Variants in MACF1 observed in about 807,000 individuals in gnomAD.
MACF1 encodes the protein microtubule-actin cross-linking factor 1.
MACF1 carries 193 observed loss-of-function variants against 854.8 expected under a neutral mutation model. The ratio of observed to expected loss-of-function variants is 0.23; its 90% CI spans 0.20 to 0.25. The LOEUF (loss-of-function observed/expected upper bound fraction) is 0.25. Ranked by LOEUF, MACF1 falls within the 10% of genes least tolerant of loss-of-function variation. The pLI is 1.00. For missense variants in MACF1, 7,722 were observed against 8,929.1 expected (o/e 0.86, Z 5.45); for synonymous variants, 3,185 against 3,226.7 (o/e 0.99, Z 0.44).
chr1:39,291,996 A>G lies in MACF1; in HGVS notation c.1872A>G (p.Val624=). ...LETQQHIHTS[V]EELGSSVKEA... ...CACAGCAGCACATCCATACGAGTGT[A>G]GAAGAGCTGGGCTCAAGTGTCAAGG... Residue 624 remains valine (V), a synonymous_variant, in exon 16 of 101, where the codon GTA becomes GTG. Coordinates refer to ENST00000564288, the MANE Select transcript of MACF1 (RefSeq NM_001394062.1). 6.2e-7 allele frequency: 1 copy of G among 1,614,128 alleles called. No individual in the cohort carries two copies. Among genetic ancestry groups the G allele is most frequent in the Non-Finnish European group, 8.5e-7 (1 of 1,180,006 alleles).
At chr1:39,317,129 G>T in intron 28 of MACF1, 85 bp from the exon 29 acceptor site, 1 of 1,321,670 alleles carries the variant, frequency 7.6e-7, no homozygotes, top group South Asian at 1.3e-5. Context: ...AATAGCTGTA[G>T]ACCGTGTCCT....
Position 39,340,691 on chromosome 1 carries a change from T to C in MACF1, c.10405T>C (p.Phe3469Leu), listed in dbSNP as rs1234602887. 6.2e-7 allele frequency: 1 copy of C among 1,614,198 alleles called. No homozygotes were observed. The highest frequency in any genetic ancestry group is 8.5e-7 in the Non-Finnish European group (1 of 1,180,010). ...CACTTGGAATTCCAGGCTACTCCAC[T>C]TCCAGAATGCTGTGGAAATAGAAAA... ...SDTWNSRLLH[F>L]QNAVEIEKTK... Residue 3469 changes from phenylalanine (F) to leucine (L), a missense_variant, in exon 39 of 101, where the codon TTC becomes CTC. Physicochemically the swap from Phe to Leu is conservative, Grantham distance 22. This residue lies in a region of MACF1 where 854 missense variants were observed against 852.6 expected (regional missense o/e 1.00). Coordinates refer to ENST00000564288, the MANE Select transcript of MACF1 (RefSeq NM_001394062.1).
In MACF1 at chr1:39,460,336, C is replaced by T. The variant is rs1199907869; in HGVS notation, c.21361-296C>T. 6.6e-6 allele frequency among the ~76,000 whole-genome samples: 1 copy of T among 152,162 alleles called. No individual in the cohort carries two copies. The highest frequency in any genetic ancestry group is 6.5e-5 in the Admixed American group (1 of 15,272). On this transcript the variant is annotated intron_variant, in intron 91 of 100. Coordinates refer to ENST00000564288, the MANE Select transcript of MACF1 (RefSeq NM_001394062.1). The surrounding 1 kb of genome is among the most constrained non-coding windows in gnomAD (Gnocchi z 4.1). ...TAAGAGAGTGATCCTTTGAAAAGCC[C>T]AAAGGGAAAGCAAGGCTGGCTTCAC...
At chr1:39,410,639 A>G (rs1642950711) in intron 58 of MACF1, 1 of 1,614,026 alleles carries the variant, frequency 6.2e-7, no homozygotes, top group Non-Finnish European at 8.5e-7. Context: ...GCAGAACGCA[A>G]AGACAATGTT....
intron 58 of MACF1, among the ~76,000 whole-genome samples, chr1:39,388,964 G>A (rs933461872): frequency 1.3e-4 from 18 of 133,738 alleles, no homozygotes; most frequent in African/African-American, 2.9e-4. Context: ...CTGCAGACTC[G>A]ACCTCATAGG....
chr1:39,332,056 C>T lies in MACF1; in HGVS notation c.5468C>T (p.Thr1823Ile), dbSNP rs148014652. ...IIDTVTGQRL[T>I]IDEAVSNDLV... ...GACACTGTCACGGGGCAAAGGCTAA[C>T]AATAGATGAAGCAGTGAGCAATGAT... Residue 1823 changes from threonine to isoleucine, a missense_variant, in exon 37 of 101, where the codon ACA (threonine) becomes ATA (isoleucine). Transcript: ENST00000564288. The T allele has an allele frequency of 6.8e-6, 11 of 1,613,902 alleles. No homozygotes were observed. Among genetic ancestry groups the T allele is most frequent in the South Asian group, 4.4e-5 (4 of 91,068 alleles).
At position 39,347,199 on chromosome 1, in the gene MACF1, G is replaced by A. The variant is rs1647071424; in HGVS notation, c.10804G>A (p.Ala3602Thr). ...CCATCTTCAACAAATGGAGCAGGAA[G>A]CCCTGGTGAAGGTCAGACTGAACCA... Reference protein sequence around the residue: ...QGHLQQMEQEALVKTLQKQQN... With the variant: ...QGHLQQMEQETLVKTLQKQQN... Residue 3602 changes from alanine to threonine, a missense_variant, in exon 41 of 101, where the codon GCC (alanine) becomes ACC (threonine). Ala to Thr is a moderately conservative substitution (Grantham distance 58). This residue lies in a region of MACF1 where 854 missense variants were observed against 852.6 expected (regional missense o/e 1.00). Transcript: ENST00000564288. 2.5e-6 allele frequency: 4 copies of A among 1,612,924 alleles called. No individual in the cohort carries two copies. Among genetic ancestry groups the A allele is most frequent in the South Asian group, 1.1e-5 (1 of 90,940 alleles).
intron 2 of MACF1, among the ~76,000 whole-genome samples, chr1:39,157,173 T>C (rs904701775): frequency 4.6e-5 from 7 of 152,146 alleles, no homozygotes; most frequent in Non-Finnish European, 1.0e-4. Context: ...TCTCACTATA[T>C]TGCCCAGGCA....
intron 2 of MACF1, among the ~76,000 whole-genome samples, chr1:39,116,885 A>G (rs1272225467): frequency 1.3e-5 from 2 of 152,148 alleles, no homozygotes; most frequent in Non-Finnish European, 2.9e-5. Context: ...CTCCAGGCCT[A>G]GCTTCTTCAT....
intron 2 of MACF1, among the ~76,000 whole-genome samples, chr1:39,185,531 A>T (rs984132061): frequency 1.3e-5 from 2 of 152,178 alleles, no homozygotes; most frequent in South Asian, 4.2e-4. Flanking sequence ...TTTTAAATAA[A>T]CCCAAGATAT....
At chr1:39,338,055 C>T (rs890835596) in intron 38 of MACF1, among the ~76,000 whole-genome samples, 1 of 152,122 alleles carries the variant, frequency 6.6e-6, no homozygotes, top group Non-Finnish European at 1.5e-5. Flanking sequence ...AGGTGTGAGC[C>T]ACCACGCCCG....
Position 39,335,628 on chromosome 1 carries a change from A to G in MACF1, c.9040A>G (p.Lys3014Glu). The G allele has an allele frequency of 1.2e-6, 2 of 1,614,156 alleles. No homozygotes were observed. Among genetic ancestry groups the G allele is most frequent in the Non-Finnish European group, 1.7e-6 (2 of 1,180,012 alleles). The part of the protein sequence containing the change: ...AIRDEHDSHI[K>E]SQPREMTSSE... ...TAGAGATGAGCATGACTCCCATATAAAGAGCCAACCTAGGGAAATGACCTC... is the reference window on the plus strand; with the variant it reads ...TAGAGATGAGCATGACTCCCATATAGAGAGCCAACCTAGGGAAATGACCTC... The change falls in exon 37 of 101, where the codon AAG (lysine) becomes GAG (glutamate). Residue 3014 changes from lysine to glutamate, a missense_variant. Lys to Glu is a moderately conservative substitution (Grantham distance 56). This residue lies in a region of MACF1 where 854 missense variants were observed against 852.6 expected (regional missense o/e 1.00). Coordinates refer to ENST00000564288, the MANE Select transcript of MACF1 (RefSeq NM_001394062.1).
rs546757830 is a variant in MACF1, at chr1:39,362,847, A to G, written c.12771+1170A>G. Reference sequence around the variant, plus strand: ...GGAAATATATGTGTATGTTTCTTATATCATAAAATCATACTGATAGTCTAG... The same window carrying G: ...GGAAATATATGTGTATGTTTCTTATGTCATAAAATCATACTGATAGTCTAG... On this transcript the variant is annotated intron_variant, in intron 49 of 100. Coordinates refer to ENST00000564288, the MANE Select transcript of MACF1 (RefSeq NM_001394062.1). 4.6e-5 allele frequency among the ~76,000 whole-genome samples: 7 copies of G among 152,322 alleles called. No individual in the cohort carries two copies. The South Asian group carries it at 1.4e-3, about 32-fold the overall frequency.
At chr1:39,134,713 T>C (rs964290234) in intron 2 of MACF1, among the ~76,000 whole-genome samples, 4 of 152,208 alleles carry the variant, frequency 2.6e-5, no homozygotes, top group African/African-American at 4.8e-5. Context: ...TGGCACATAG[T>C]ATGTAATTGT....
intron 2 of MACF1, among the ~76,000 whole-genome samples, chr1:39,196,226 A>G (rs1644318284): frequency 6.6e-6 from 1 of 152,194 alleles, no homozygotes; most frequent in Non-Finnish European, 1.5e-5. Flanking sequence ...TGGGCTTATA[A>G]TTTCCATGCT....
chr1:39,247,293 G>A (rs1211076206), intron 2 of MACF1, among the ~76,000 whole-genome samples: 2 of 151,604 alleles, frequency 1.3e-5, no homozygotes, highest in Non-Finnish European at 2.9e-5. Context: ...GGATGGTCTC[G>A]ATCTCCTGAC....
intron 47 of MACF1, among the ~76,000 whole-genome samples, chr1:39,360,042 TATATATATATACAC>T (rs1648015625): frequency 1.7e-5 from 1 of 59,314 alleles, no homozygotes; most frequent in Non-Finnish European, 3.2e-5. Context: ...TATATATATA[TATATATATATACAC>T]ACACACACAC....
rs376730624 is a variant in MACF1 at position 39,336,173 on chromosome 1, T to C, written c.9585T>C (p.Asp3195=). The change falls in exon 37 of 101, where the codon GAT becomes GAC. Residue 3195 remains aspartate, a synonymous_variant. Coordinates refer to ENST00000564288, the MANE Select transcript of MACF1 (RefSeq NM_001394062.1). ...AAGAAATCACAGTTTCTAGACCAGATTCAAAAGAAGTCAGGTATCTAGAAT... is the reference window on the plus strand; with the variant it reads ...AAGAAATCACAGTTTCTAGACCAGACTCAAAAGAAGTCAGGTATCTAGAAT... ...KLEEITVSRP[D]SKEVRYLEFS... The C allele has an allele frequency of 3.2e-5, 52 of 1,614,126 alleles. No homozygotes were observed. The African/African-American group carries it at 6.3e-4, about 19-fold the overall frequency.
At chr1:39,316,340 T>A in intron 27 of MACF1, 51 bp from the exon 28 acceptor site, 1 of 1,529,544 alleles carries the variant, frequency 6.5e-7, no homozygotes, top group Non-Finnish European at 8.9e-7. Flanking sequence ...TATATAACCC[T>A]GGCTCCTAAA....
Sources: gnomAD v4.1 joint callset for allele counts (sites outside exome capture counted in the v4.1 genomes callset) on GRCh38, gnomAD v4.1.1 for gene constraint, gnomAD v4.1.1 regional missense constraint, Gnocchi (gnomAD v3.1) non-coding constraint, MANE v1.5 for transcripts, NCBI Gene and HGNC (gene_info 2026-07-23, HGNC 2026-07-21) for gene names.